Variants in CLTCL1 observed in about 807,000 individuals in gnomAD.
CLTCL1 encodes clathrin heavy chain 2.
A neutral mutation model predicts 190.0 loss-of-function variants in CLTCL1; 159 were observed. That is an observed-to-expected ratio of 0.84 (90% CI 0.74 to 0.95). CLTCL1 has a LOEUF of 0.95. Among genes scored for constraint, CLTCL1 ranks in the 40% least tolerant of loss-of-function variants. The pLI, the probability that CLTCL1 is intolerant of heterozygous loss-of-function variation, is 0.00. For synonymous variants in CLTCL1, 752 were observed against 769.6 expected (o/e 0.98, Z 0.38); for missense variants, 1,878 against 2,033.4 (o/e 0.92, Z 1.47).
intron 27 of CLTCL1, among the ~76,000 whole-genome samples, chr22:19,190,102 G>A (rs1260871915): frequency 2.0e-5 from 3 of 152,044 alleles, no homozygotes; most frequent in African/African-American, 7.2e-5. Context: ...CACCACGTCT[G>A]GCTAATTTTT....
intron 11 of CLTCL1, among the ~76,000 whole-genome samples, chr22:19,228,977 T>C (rs1417498770): frequency 2.0e-5 from 3 of 152,182 alleles, no homozygotes; most frequent in Admixed American, 6.5e-5. Context: ...CAGCTGAGCA[T>C]TGCTGGGAAG....
At position 19,209,470 on chromosome 22, in the gene CLTCL1, C is replaced by T. The variant is rs115397217; in HGVS notation, c.3250-356G>A. 9.7e-3 allele frequency: 1,815 copies of T among 187,506 alleles called. 36 individuals are homozygous for T. Among genetic ancestry groups the T allele is most frequent in the African/African-American group, 0.039 (1,650 of 42,838 alleles). 11.6% of individuals were successfully genotyped at this position (187,506 alleles called of 1,614,324 possible). A position where few individuals can be genotyped will look rare whatever the true frequency, so the allele number is the denominator to read the frequency against. On this transcript the variant is annotated intron_variant, in intron 20 of 32. Coordinates refer to ENST00000427926, the MANE Select transcript of CLTCL1 (RefSeq NM_007098.4). ...ACTGTAAAAGAGTTCACAAGAATTGCTGTGGGGAATAAGATTGCTCACCAG... is the reference window on the plus strand; with the variant it reads ...ACTGTAAAAGAGTTCACAAGAATTGTTGTGGGGAATAAGATTGCTCACCAG...
chr22:19,187,867 C>G, intron 28 of CLTCL1, 114 bp downstream of exon 28: 1 of 1,319,724 alleles, frequency 7.6e-7, no homozygotes, highest in Non-Finnish European at 1.1e-6. Context: ...CCACTGGTGT[C>G]CTGTGGGGCC....
At position 19,183,494 on chromosome 22, in the gene CLTCL1, C is replaced by G; in HGVS notation, c.4723G>C (p.Asp1575His). ...CFAACLFTCY[D>H]LLRPDMVLEL... Reference sequence around the variant, plus strand: ...AGCACCATGTCTGGGCGAAGCAGGTCATAGCAGGTGAAGAGACAAGCTGCG... The same window carrying G: ...AGCACCATGTCTGGGCGAAGCAGGTGATAGCAGGTGAAGAGACAAGCTGCG... Residue 1575 changes from aspartate (D) to histidine (H), a missense_variant, in exon 30 of 33, where the codon GAC becomes CAC. Physicochemically the swap from Asp to His is moderately conservative, Grantham distance 81 (BLOSUM62 -1). Coordinates refer to ENST00000427926, the MANE Select transcript of CLTCL1 (RefSeq NM_007098.4). The G allele has an allele frequency of 2.5e-6, 4 of 1,610,122 alleles. 1 individual carries two copies. Among genetic ancestry groups the G allele is most frequent in the Non-Finnish European group, 3.4e-6 (4 of 1,179,778 alleles).
chr22:19,237,879 C>T (rs1053071668), intron 5 of CLTCL1, among the ~76,000 whole-genome samples: 3 of 152,088 alleles, frequency 2.0e-5, no homozygotes, highest in East Asian at 1.9e-4. Context: ...GCTAGGATTT[C>T]AGGTGATATT....
intron 4 of CLTCL1, among the ~76,000 whole-genome samples, chr22:19,240,965 G>A (rs570793567): frequency 3.9e-5 from 6 of 152,314 alleles, no homozygotes; most frequent in African/African-American, 7.2e-5. Flanking sequence ...CAAAAGGACA[G>A]GTGAGTCCTG....
At chr22:19,202,131 A>G (rs1555940024) in intron 22 of CLTCL1, among the ~76,000 whole-genome samples, 1 of 151,954 alleles carries the variant, frequency 6.6e-6, no homozygotes, top group African/African-American at 2.4e-5. Flanking sequence ...AGCCCTGTCC[A>G]TGCCCAACTT....
At chr22:19,229,222 G>A (rs1258435877) in intron 11 of CLTCL1, among the ~76,000 whole-genome samples, 2 of 152,180 alleles carry the variant, frequency 1.3e-5, no homozygotes, top group African/African-American at 4.8e-5. Flanking sequence ...ATAAACACAT[G>A]TCATATATAC....
chr22:19,183,036 G>A, intron 30 of CLTCL1: 1 of 306,128 alleles, frequency 3.3e-6, no homozygotes, highest in Non-Finnish European at 6.3e-6. Context: ...GCTCCTCAGG[G>A]AGCTGGGATT....
intron 18 of CLTCL1, among the ~76,000 whole-genome samples, chr22:19,217,853 G>GAAAAAAA (rs535821018): frequency 1.2e-5 from 1 of 81,398 alleles, no homozygotes; most frequent in Non-Finnish European, 2.9e-5. Flanking sequence ...CTCAAAAAGA[G>GAAAAAAA]AAAAAAAAAA....
chr22:19,180,387 G>A (rs1212683527), intron 31 of CLTCL1, 149 bp from the exon 32 acceptor site: 17 of 878,734 alleles, frequency 1.9e-5, no homozygotes, highest in South Asian at 7.6e-5. Flanking sequence ...CAGTCTGCTC[G>A]ACAGCCAGGC....
Position 19,196,784 on chromosome 22 carries a change from G to A in CLTCL1, c.3874-128C>T, listed in dbSNP as rs376695964. On this transcript the variant is annotated intron_variant, in intron 24 of 32. Transcript: ENST00000427926. ...ATGATCCCGAGGAGGCATGTGTGAAGAAAACGTGTATACATACTGTGCTAC... is the reference window on the plus strand; with the variant it reads ...ATGATCCCGAGGAGGCATGTGTGAAAAAAACGTGTATACATACTGTGCTAC... The A allele has an allele frequency of 1.2e-4, 120 of 1,035,254 alleles. No individual in the cohort carries two copies. In the African/African-American group the frequency reaches 1.6e-3, roughly 13 times the overall value. The allele number at this position is 1,035,254 out of a possible 1,614,324, so 64.1% of individuals were successfully genotyped here.
intron 1 of CLTCL1, among the ~76,000 whole-genome samples, chr22:19,286,853 T>A (rs5748101): frequency 1.3e-5 from 2 of 152,068 alleles, no homozygotes; most frequent in Non-Finnish European, 2.9e-5. Context: ...CATTCTCACA[T>A]GCAGCCTAGG....
chr22:19,184,270 G>A (rs2084237309), intron 29 of CLTCL1: 2 of 339,250 alleles, frequency 5.9e-6, no homozygotes, highest in African/African-American at 2.2e-5. Flanking sequence ...AGACCCAGAT[G>A]TAGTCACTTG....
Position 19,210,340 on chromosome 22 carries a change from C to T in CLTCL1, c.3235G>A (p.Ala1079Thr). The change falls in exon 20 of 33, where the codon GCC becomes ACC. Residue 1079 changes from alanine to threonine, a missense_variant. By Grantham distance (58) the Ala-to-Thr change is moderately conservative. Transcript: ENST00000427926. ...FTVFHKFDMN[A>T]SAIQVLIEHI... is the part of the protein sequence containing the mutation. ...CAGCAGCCCACCTGGATTGCTGAGG[C>T]ATTCATATCAAACTTGTGGAAAACG... The T allele has an allele frequency of 6.2e-7, 1 of 1,613,820 alleles. No individual in the cohort carries two copies. Among genetic ancestry groups the T allele is most frequent in the Admixed American group, 1.7e-5 (1 of 60,016 alleles).
At chr22:19,184,985 C>A (rs2084264805) in intron 29 of CLTCL1, among the ~76,000 whole-genome samples, 2 of 152,270 alleles carry the variant, frequency 1.3e-5, no homozygotes, top group Non-Finnish European at 2.9e-5. Flanking sequence ...GAGGGCCCCA[C>A]TGACCGAACT....
At chr22:19,260,930 GAA>G (rs34432357) in intron 2 of CLTCL1, among the ~76,000 whole-genome samples, 7 of 139,024 alleles carry the variant, frequency 5.0e-5, no homozygotes, top group Non-Finnish European at 6.2e-5. Context: ...CTACTGATCA[GAA>G]AAAAAAAAAA....
At position 19,291,657 on chromosome 22, in the gene CLTCL1, TC is replaced by T; in HGVS notation, c.-17del. On this transcript the variant is annotated 5_prime_UTR_variant, in exon 1 of 33. Coordinates refer to ENST00000427926, the MANE Select transcript of CLTCL1 (RefSeq NM_007098.4). The stretch of plus-strand genomic sequence containing the variant: ...TCTGCGCCATGGCTGGTGCGGGACC[TC>T]GGCGGCGGCGGCGGCAGCGGCAGGA... 1.5e-6 allele frequency: 2 copies of T among 1,367,782 alleles called. 1 individual carries two copies. The highest frequency in any genetic ancestry group is 6.3e-5 in the East Asian group (2 of 31,746). 84.7% of individuals were successfully genotyped at this position (1,367,782 alleles called of 1,614,324 possible). A position where few individuals can be genotyped will look rare whatever the true frequency, so the allele number is the denominator to read the frequency against.
chr22:19,202,770 C>T (rs1443086593), intron 22 of CLTCL1, among the ~76,000 whole-genome samples: 4 of 152,172 alleles, frequency 2.6e-5, no homozygotes, highest in South Asian at 2.1e-4. Flanking sequence ...AAAGCTCTAA[C>T]GATTCCTCAA....
Sources: gnomAD v4.1 joint callset for allele counts (sites outside exome capture counted in the v4.1 genomes callset) on GRCh38, gnomAD v4.1.1 for gene constraint, MANE v1.5 for transcripts, NCBI Gene and HGNC (gene_info 2026-07-23, HGNC 2026-07-21) for gene names.